TAFA1: variants seen among roughly 807,000 people sequenced by gnomAD.
TAFA1 encodes chemokine-like protein TAFA-1.
TAFA1 carries 4 observed loss-of-function variants against 18.5 expected under a neutral mutation model. The observed-to-expected ratio is 0.22, with a 90% CI of 0.11 to 0.49. The LOEUF (loss-of-function observed/expected upper bound fraction) is 0.49. Ranked by LOEUF, TAFA1 falls within the 20% of genes least tolerant of loss-of-function variation. TAFA1 has a pLI of 0.98. For synonymous variants in TAFA1, 56 were observed against 55.2 expected, an observed-to-expected ratio of 1.01 and a Z score of -0.06; for missense variants, 147 against 169.0, an observed-to-expected ratio of 0.87 and a Z score of 0.72.
chr3:68,197,544 CTAATTATAAAGAAAGAAATG>C (rs2066426104), intron 2 of TAFA1, among the ~76,000 whole-genome samples: 1 of 151,188 alleles, frequency 6.6e-6, no homozygotes, highest in Non-Finnish European at 1.5e-5. Context: ...GTGGCAACAT[CTAATTATAAAGAAAGAAATG>C]TCAATGCCTT....
chr3:68,133,660 T>C lies in TAFA1; in HGVS notation c.118+126916T>C, dbSNP rs6809985. ...AATGGGAGTTCACTCATGATTTGGC[T>C]CTCTGTTTGCCTCTTATTGGTGTAT... is the stretch of plus-strand genomic sequence containing the variant. On this transcript the variant is annotated intron_variant, in intron 2 of 4. Coordinates refer to ENST00000478136, the MANE Select transcript of TAFA1 (RefSeq NM_213609.4). Among the ~76,000 whole-genome samples, 652 of 152,252 alleles carry C rather than the reference T, an allele frequency of 4.3e-3. 4 individuals are homozygous for C. The highest frequency in any genetic ancestry group is 0.014 in the African/African-American group (599 of 41,536).
intron 3 of TAFA1, among the ~76,000 whole-genome samples, chr3:68,513,831 A>AT (rs1447994191): frequency 3.3e-5 from 5 of 152,112 alleles, no homozygotes; most frequent in East Asian, 3.9e-4. Context: ...CTGCTTATTT[A>AT]TTTTTTCTCA....
intron 2 of TAFA1, among the ~76,000 whole-genome samples, chr3:68,104,855 G>A (rs1436075205): frequency 6.6e-6 from 1 of 152,064 alleles, no homozygotes; most frequent in African/African-American, 2.4e-5. Flanking sequence ...TCTAAACTAT[G>A]TGTCTGTAGC....
chr3:68,404,634 T>TA (rs2070562745), intron 2 of TAFA1, among the ~76,000 whole-genome samples: 1 of 151,974 alleles, frequency 6.6e-6, no homozygotes, highest in Admixed American at 6.6e-5. Context: ...CCGTCTCTAC[T>TA]AAAAACAGAA....
At chr3:68,396,447 AAAAAC>A (rs984855136) in intron 2 of TAFA1, among the ~76,000 whole-genome samples, 2 of 152,144 alleles carry the variant, frequency 1.3e-5, no homozygotes, top group Admixed American at 6.6e-5. Context: ...TCTTGTCTTT[AAAAAC>A]AAAACAAAAA....
intron 3 of TAFA1, among the ~76,000 whole-genome samples, chr3:68,501,676 G>T (rs1437576269): frequency 6.6e-6 from 1 of 152,102 alleles, no homozygotes. Context: ...ACAAAACTGT[G>T]GTCAGTGGAT....
intron 2 of TAFA1, among the ~76,000 whole-genome samples, chr3:68,206,826 C>T (rs979319789): frequency 6.6e-6 from 1 of 151,910 alleles, no homozygotes; most frequent in Non-Finnish European, 1.5e-5. Context: ...ACTTGGACTG[C>T]ATGCCCAGTT....
chr3:68,340,562 C>A (rs1559624660), intron 2 of TAFA1, among the ~76,000 whole-genome samples: 1 of 152,180 alleles, frequency 6.6e-6, no homozygotes, highest in Admixed American at 6.6e-5. Flanking sequence ...ACTGACCTCT[C>A]CCCCTGGAGT....
At chr3:68,319,118 T>C (rs2068657652) in intron 2 of TAFA1, among the ~76,000 whole-genome samples, 1 of 152,168 alleles carries the variant, frequency 6.6e-6, no homozygotes, top group African/African-American at 2.4e-5. Context: ...CTTAAGGACA[T>C]AAAAGAGATA....
intron 2 of TAFA1, among the ~76,000 whole-genome samples, chr3:68,058,804 A>G (rs1042102055): frequency 1.3e-5 from 2 of 152,154 alleles, no homozygotes; most frequent in African/African-American, 4.8e-5. Flanking sequence ...AATAGTCCAT[A>G]GAAAAAGGCT....
chr3:68,461,185 G>A (rs1159400229), intron 3 of TAFA1, among the ~76,000 whole-genome samples: 1 of 151,788 alleles, frequency 6.6e-6, no homozygotes, highest in African/African-American at 2.4e-5. Context: ...AGGAGGCTGA[G>A]GCATGAAAAT....
chr3:68,274,620 T>G (rs150601917), intron 2 of TAFA1, among the ~76,000 whole-genome samples: 76 of 152,298 alleles, frequency 5.0e-4, no homozygotes, highest in African/African-American at 1.7e-3. Flanking sequence ...GGGAGGACTT[T>G]GGAGCCTAGA....
chr3:68,258,363 T>A (rs1183037659), intron 2 of TAFA1, among the ~76,000 whole-genome samples: 1 of 152,210 alleles, frequency 6.6e-6, no homozygotes, highest in East Asian at 1.9e-4. Context: ...TGTATTCAAG[T>A]TGATGTAATA....
chr3:68,526,613 T>C (rs2073114431), intron 3 of TAFA1, among the ~76,000 whole-genome samples: 1 of 152,186 alleles, frequency 6.6e-6, no homozygotes, highest in Non-Finnish European at 1.5e-5. Context: ...TTGATCATGG[T>C]AAATTTGTAG....
At chr3:68,261,842 A>G (rs1460866611) in intron 2 of TAFA1, among the ~76,000 whole-genome samples, 1 of 152,094 alleles carries the variant, frequency 6.6e-6, no homozygotes, top group African/African-American at 2.4e-5. Context: ...TGTGCAGCAC[A>G]CCAACATGGC....
intron 2 of TAFA1, among the ~76,000 whole-genome samples, chr3:68,082,096 C>T (rs1393694746): frequency 3.3e-5 from 5 of 152,218 alleles, no homozygotes; most frequent in African/African-American, 1.2e-4. Flanking sequence ...TCCGTCACCC[C>T]TTTCTTTGAC....
chr3:68,511,477 A>T (rs1055566496), intron 3 of TAFA1, among the ~76,000 whole-genome samples: 2 of 152,126 alleles, frequency 1.3e-5, no homozygotes, highest in African/African-American at 4.8e-5. Flanking sequence ...TTCTTATAAC[A>T]AAACGATAAA....
At chr3:68,278,463 G>A (rs2067834842) in intron 2 of TAFA1, among the ~76,000 whole-genome samples, 1 of 152,010 alleles carries the variant, frequency 6.6e-6, no homozygotes, top group Admixed American at 6.6e-5. Context: ...TTATTTTGGA[G>A]GGAGGCAGGT....
chr3:68,070,120 A>C (rs1321924200), intron 2 of TAFA1, among the ~76,000 whole-genome samples: 2 of 152,078 alleles, frequency 1.3e-5, no homozygotes, highest in Non-Finnish European at 1.5e-5. Context: ...CTAATCCTAC[A>C]TTTCCTTCCA....
Sources: allele counts gnomAD v4.1 joint callset (sites outside exome capture counted in the v4.1 genomes callset), GRCh38; gene constraint gnomAD v4.1.1; transcripts MANE v1.5; gene names NCBI Gene and HGNC (gene_info 2026-07-23, HGNC 2026-07-21).